EMILIN1: variants seen among roughly 807,000 people sequenced by gnomAD.
EMILIN1 encodes elastin microfibril interfacer 1.
EMILIN1 carries 49 observed loss-of-function variants against 82.4 expected under a neutral mutation model. The ratio of observed to expected loss-of-function variants is 0.59; its 90% CI spans 0.47 to 0.75. The LOEUF is 0.75. Among genes scored for constraint, EMILIN1 ranks in the 30% least tolerant of loss-of-function variants. The probability of loss-of-function intolerance (pLI) is 0.00; values close to 1 mark genes in which losing one functional copy is unlikely to be tolerated. For synonymous variants in EMILIN1, 604 were observed against 602.2 expected, an observed-to-expected ratio of 1.00 and a Z score of -0.04; for missense variants, 1,313 against 1,366.4, an observed-to-expected ratio of 0.96 and a Z score of 0.62.
Position 27,078,897 on chromosome 2 carries a change from A to T in EMILIN1, c.-169A>T. 1.9e-6 allele frequency: 1 copy of T among 527,084 alleles called. No homozygotes were observed. The highest frequency in any genetic ancestry group is 3.3e-6 in the Non-Finnish European group (1 of 302,358). The allele number at this position is 527,084 out of a possible 1,614,324, so 32.7% of individuals were successfully genotyped here. A position where few individuals can be genotyped will look rare whatever the true frequency, so the allele number is the denominator to read the frequency against. On this transcript the variant is annotated 5_prime_UTR_variant, in exon 1 of 8. Transcript: ENST00000380320. ...GAGGAAAGAGGAGGGGAGAGGGGTC[A>T]GGCCAGGCAGCCAAGGAGAAGACGT...
chr2:27,086,370 G>A lies in EMILIN1; in HGVS notation c.*355G>A, dbSNP rs1246593738. On this transcript the variant is annotated 3_prime_UTR_variant, in exon 8 of 8. Coordinates refer to ENST00000380320, the MANE Select transcript of EMILIN1 (RefSeq NM_007046.4). ...CCGCCCACCGCCATACTAAACGATC[G>A]AGGAATAAAGACACTTGGTTTTTCT... 1 of 244,258 alleles carries A rather than the reference G, an allele frequency of 4.1e-6. No homozygotes were observed. Among genetic ancestry groups the A allele is most frequent in the Non-Finnish European group, 7.8e-6 (1 of 128,032 alleles). 15.1% of individuals were successfully genotyped at this position (244,258 alleles called of 1,614,324 possible).
At chr2:27,081,382 G>A (rs1240637367) in intron 3 of EMILIN1, among the ~76,000 whole-genome samples, 1 of 152,122 alleles carries the variant, frequency 6.6e-6, no homozygotes, top group Non-Finnish European at 1.5e-5. Flanking sequence ...ACCCCTCCGT[G>A]GCCTCTGGAG....
At position 27,082,846 on chromosome 2, in the gene EMILIN1, G is replaced by A. The variant is rs1669507517; in HGVS notation, c.1275G>A (p.Glu425=). 3.2e-6 allele frequency: 5 copies of A among 1,579,860 alleles called. No individual in the cohort carries two copies. In the African/African-American group the frequency reaches 4.0e-5, roughly 13 times the overall value. ...NSTLGPSEEQ[E]ESWPGAPGGL... ...CCCTGGGCCCTTCGGAGGAGCAGGA[G>A]GAGAGCTGGCCTGGGGCTCCTGGGG... Residue 425 remains glutamate (E), a synonymous_variant, in exon 4 of 8, where the codon GAG becomes GAA. Transcript: ENST00000380320.
Position 27,080,249 on chromosome 2 carries a change from C to G in EMILIN1, c.269C>G (p.Pro90Arg). Reference sequence around the variant, plus strand: ...TACCAGCCTTGTGCCTGGGGCCAGCCCCAGTGTCCCCAAAGCATCATGTGA... The same window carrying G: ...TACCAGCCTTGTGCCTGGGGCCAGCGCCAGTGTCCCCAAAGCATCATGTGA... ...VKYQPCAWGQ[P>R]QCPQSIMYRR... The change falls in exon 2 of 8, where the codon CCC becomes CGC. Residue 90 changes from proline to arginine, a missense_variant. Physicochemically the swap from Pro to Arg is moderately radical, Grantham distance 103 (BLOSUM62 -2). Transcript: ENST00000380320. The G allele has an allele frequency of 1.2e-6, 2 of 1,614,060 alleles. No homozygotes were observed. Among genetic ancestry groups the G allele is most frequent in the African/African-American group, 1.3e-5 (1 of 75,046 alleles).
Position 27,082,744 on chromosome 2 carries a change from G to A in EMILIN1, c.1173G>A (p.Ala391=), listed in dbSNP as rs769341265. Residue 391 remains alanine, a synonymous_variant, in exon 4 of 8, where the codon GCG becomes GCA. Transcript: ENST00000380320. ...GRRGTELGGA[A]GQGGHPPGYT... is the part of the protein sequence containing the mutation. ...GAGGCACAGAGCTGGGAGGAGCCGC[G>A]GGGCAGGGAGGCCACCCCCCAGGCT... 1.4e-5 allele frequency: 21 copies of A among 1,541,620 alleles called. No individual in the cohort carries two copies. The highest frequency in any genetic ancestry group is 7.1e-5 in the South Asian group (6 of 84,586).
Position 27,083,497 on chromosome 2 carries a change from C to A in EMILIN1, c.1926C>A (p.Ala642=). 3 of 1,613,776 alleles carry A rather than the reference C, an allele frequency of 1.9e-6. No homozygotes were observed. The highest frequency in any genetic ancestry group is 2.2e-5 in the South Asian group (2 of 91,080). Residue 642 remains alanine, a synonymous_variant, in exon 4 of 8, where the codon GCC becomes GCA. Transcript: ENST00000380320. ...FGGSSGSALQ[A]LQGELSEVIL... is the part of the protein sequence containing the mutation. The stretch of plus-strand genomic sequence containing the variant: ...GCAGCTCAGGCTCAGCCCTGCAGGC[C>A]CTGCAAGGAGAGCTCTCTGAGGTTA...
chr2:27,084,373 C>T (rs377199731), intron 4 of EMILIN1, 42 bp from the exon 5 acceptor site: 21 of 1,241,368 alleles, frequency 1.7e-5, no homozygotes, highest in Non-Finnish European at 2.5e-5. Context: ...CCATTGGAAA[C>T]TCCTTTTATG....
Position 27,082,567 on chromosome 2 carries a change from G to T in EMILIN1, c.996G>T (p.Ser332=). The T allele has an allele frequency of 6.5e-7, 1 of 1,542,528 alleles. No individual in the cohort carries two copies. The highest frequency in any genetic ancestry group is 8.7e-7 in the Non-Finnish European group (1 of 1,144,678). ...RLRAMEKLLA[S]VEERQRHLAG... is the part of the protein sequence containing the mutation. ...GAGCGATGGAGAAGCTGCTGGCCTCGGTGGAGGAGCGGCAACGGCACCTCG... is the reference window on the plus strand; with the variant it reads ...GAGCGATGGAGAAGCTGCTGGCCTCTGTGGAGGAGCGGCAACGGCACCTCG... The change falls in exon 4 of 8, where the codon TCG becomes TCT. Residue 332 remains serine, a synonymous_variant. Transcript: ENST00000380320.
chr2:27,079,227 C>A lies in EMILIN1; in HGVS notation c.162C>A (p.Ser54Arg). The A allele has an allele frequency of 6.4e-7, 1 of 1,562,910 alleles. No homozygotes were observed. The highest frequency in any genetic ancestry group is 2.0e-5 in the Admixed American group (1 of 48,814). The stretch of plus-strand genomic sequence containing the variant: ...CCCAGATTGCCCCCCGGCCAGCCAG[C>A]CGCCACAGGTAAGAGTCTGGATCCC... ...PQAQIAPRPA[S>R]RHRNWCAYVV... Residue 54 changes from serine to arginine, a missense_variant, in exon 1 of 8, where the codon AGC becomes AGA. Coordinates refer to ENST00000380320, the MANE Select transcript of EMILIN1 (RefSeq NM_007046.4).
At position 27,086,250 on chromosome 2, in the gene EMILIN1, G is replaced by C; in HGVS notation, c.*235G>C. 8.1e-6 allele frequency: 3 copies of C among 368,276 alleles called. No individual in the cohort carries two copies. Among genetic ancestry groups the C allele is most frequent in the Admixed American group, 9.2e-5 (2 of 21,670 alleles). 22.8% of individuals were successfully genotyped at this position (368,276 alleles called of 1,614,324 possible). On this transcript the variant is annotated 3_prime_UTR_variant, in exon 8 of 8. Transcript: ENST00000380320. ...CGCGATCCCCCAAGAACCCCTCCAG[G>C]GCCGGCCTGCGGAGGAGCCGATCCT... is the stretch of plus-strand genomic sequence containing the variant.
chr2:27,079,108 C>A lies in EMILIN1; in HGVS notation c.43C>A (p.Leu15Met), dbSNP rs1308006142. Residue 15 changes from leucine (L) to methionine (M), a missense_variant, in exon 1 of 8, where the codon CTG becomes ATG. Transcript: ENST00000380320. ...TLWSCYLCCLLTAAAGAASYP... is the reference protein window; with the variant it reads ...TLWSCYLCCLMTAAAGAASYP... ...CTGGAGCTGCTACCTCTGCTGCCTG[C>A]TGACGGCAGCTGCAGGGGCCGCCAG... The A allele has an allele frequency of 2.5e-6, 4 of 1,605,926 alleles. No individual in the cohort carries two copies.
At position 27,085,994 on chromosome 2, in the gene EMILIN1, C is replaced by T; in HGVS notation, c.3030C>T (p.Asp1010=). The T allele has an allele frequency of 6.8e-7, 1 of 1,462,998 alleles. No individual in the cohort carries two copies. Among genetic ancestry groups the T allele is most frequent in the Non-Finnish European group, 9.1e-7 (1 of 1,099,460 alleles). The allele number at this position is 1,462,998 out of a possible 1,614,324, so 90.6% of individuals were successfully genotyped here. ...TCAGCGGGGCCCTGCTCTATGGGGA[C>T]CCAGAGCTTGAACACGCGTAGACTG... ...TIFSGALLYG[D]PELEHA Residue 1010 remains aspartate (D), a synonymous_variant, in exon 8 of 8, where the codon GAC becomes GAT. Coordinates refer to ENST00000380320, the MANE Select transcript of EMILIN1 (RefSeq NM_007046.4).
At chr2:27,080,492 C>G (rs146701156) in intron 2 of EMILIN1, among the ~76,000 whole-genome samples, 4 of 152,264 alleles carry the variant, frequency 2.6e-5, no homozygotes, top group African/African-American at 9.6e-5. Context: ...TGGGATGGCT[C>G]AGGCTCAAGC....
rs562754693 is a variant in EMILIN1 at position 27,078,812 on chromosome 2, AC to A, written c.-249del. The A allele has an allele frequency of 2.6e-5, 11 of 427,038 alleles. No individual in the cohort carries two copies. In the South Asian group the frequency reaches 5.0e-4, roughly 19 times the overall value. The allele number at this position is 427,038 out of a possible 1,614,324, so 26.5% of individuals were successfully genotyped here. On this transcript the variant is annotated 5_prime_UTR_variant, in exon 1 of 8. Transcript: ENST00000380320. Reference sequence around the variant, plus strand: ...AGGCCAGAGGGGGCACAGAGAACAAACCCCCTCAGAAGTGAAGAGGAGAGCG... The same window carrying A: ...AGGCCAGAGGGGGCACAGAGAACAAACCCCTCAGAAGTGAAGAGGAGAGCG...
chr2:27,080,267 T>A lies in EMILIN1; in HGVS notation c.287T>A (p.Ile96Asn), dbSNP rs1313650538. The A allele has an allele frequency of 6.8e-6, 11 of 1,613,558 alleles. No individual in the cohort carries two copies. The highest frequency in any genetic ancestry group is 9.3e-6 in the Non-Finnish European group (11 of 1,179,732). ...GGCCAGCCCCAGTGTCCCCAAAGCA[T>A]CATGTGAGTCCCAGGGCCGGGCAAC... ...AWGQPQCPQS[I>N]MYRRFLRPRY... The change falls in exon 2 of 8, where the codon ATC becomes AAC. Residue 96 changes from isoleucine to asparagine, a missense_variant. Ile to Asn is a moderately radical substitution (Grantham distance 149). Transcript: ENST00000380320.
At position 27,080,735 on chromosome 2, in the gene EMILIN1, CCG is replaced by C. The variant is rs1253558988; in HGVS notation, c.296_297del (p.Arg99ProfsTer29). ...QPQCPQSIMY[R>X]RFLRPRYRVA... ...GGCCTCCTTCTGCCTCTGCCAGGTA[CCG>C]CCGCTTCCTCCGCCCTCGCTACCGT... On this transcript the variant is annotated frameshift_variant, in exon 3 of 8. Transcript: ENST00000380320. LOFTEE classifies it high-confidence loss of function. 6.2e-7 allele frequency: 1 copy of C among 1,611,940 alleles called. No individual in the cohort carries two copies. Among genetic ancestry groups the C allele is most frequent in the East Asian group, 2.2e-5 (1 of 44,864 alleles).
chr2:27,085,151 C>G lies in EMILIN1; in HGVS notation c.2576-9C>G. ...AGCATCCCCTTTAACATCCACCCTT[C>G]CCACTCAGGAGTGGAGGGGGCACCA... On this transcript the variant is annotated splice_polypyrimidine_tract_variant and intron_variant, in intron 6 of 7. Coordinates refer to ENST00000380320, the MANE Select transcript of EMILIN1 (RefSeq NM_007046.4). 6.2e-7 allele frequency: 1 copy of G among 1,614,148 alleles called. No homozygotes were observed. The highest frequency in any genetic ancestry group is 8.5e-7 in the Non-Finnish European group (1 of 1,180,030).
chr2:27,085,946 CT>C lies in EMILIN1; in HGVS notation c.2983del (p.Ser995ArgfsTer150). 3.9e-5 allele frequency: 59 copies of C among 1,521,118 alleles called. No homozygotes were observed. The highest frequency in any genetic ancestry group is 1.7e-4 in the South Asian group (14 of 81,836). 94.2% of individuals were successfully genotyped at this position (1,521,118 alleles called of 1,614,324 possible). Reference protein sequence around the residue: ...VDLVMGQLAHSEEPLTIFSGA... With the variant: ...VDLVMGQLAHXEEPLTIFSGA... ...ACCTGGTCATGGGGCAGCTGGCGCACTCGGAGGAGCCGCTCACCATCTTCAG... is the reference window on the plus strand; with the variant it reads ...ACCTGGTCATGGGGCAGCTGGCGCACCGGAGGAGCCGCTCACCATCTTCAG... On this transcript the variant is annotated frameshift_variant, in exon 8 of 8. Transcript: ENST00000380320. LOFTEE classifies it high-confidence loss of function.
Position 27,080,763 on chromosome 2 carries a change from G to A in EMILIN1, c.322G>A (p.Val108Met). ...YRRFLRPRYR[V>M]AYKTVTDMEW... ...CCGCTTCCTCCGCCCTCGCTACCGT[G>A]TGGCCTACAAGACAGTGACCGACAT... Residue 108 changes from valine to methionine, a missense_variant, in exon 3 of 8, where the codon GTG (valine) becomes ATG (methionine). Coordinates refer to ENST00000380320, the MANE Select transcript of EMILIN1 (RefSeq NM_007046.4). 1 of 1,613,782 alleles carries A rather than the reference G, an allele frequency of 6.2e-7. No individual in the cohort carries two copies. The highest frequency in any genetic ancestry group is 8.5e-7 in the Non-Finnish European group (1 of 1,179,970).
Sources: allele counts gnomAD v4.1 joint callset (sites outside exome capture counted in the v4.1 genomes callset), GRCh38; gene constraint gnomAD v4.1.1; transcripts MANE v1.5; gene names NCBI Gene and HGNC (gene_info 2026-07-23, HGNC 2026-07-21).